The following RAB38 variants were observed in gnomAD, a reference collection of about 807,000 sequenced individuals.
RAB38 encodes ras-related protein Rab-38.
RAB38 carries 15 observed loss-of-function variants against 18.4 expected under a neutral mutation model. That is an observed-to-expected ratio of 0.82 (90% CI 0.55 to 1.26). The LOEUF is 1.26. RAB38 is among the 50% of genes most tolerant of loss of function. RAB38 has a pLI of 0.00. For missense variants in RAB38, 294 were observed against 267.4 expected (o/e 1.10, Z -0.69); for synonymous variants, 101 against 104.4 (o/e 0.97, Z 0.20).
At chr11:88,031,764 A>T in the RAB38 span, among the ~76,000 whole-genome samples, 56 of 152,088 alleles carry the variant, frequency 3.7e-4, no homozygotes, top group Non-Finnish European at 5.7e-4. Context: ...TCCATGCTCA[A>T]GGGTAGGAAG....
the RAB38 span, among the ~76,000 whole-genome samples, chr11:87,954,119 C>CATCCAATGATTTTGAGTTA: frequency 2.0e-5 from 3 of 152,022 alleles, no homozygotes; most frequent in Non-Finnish European, 4.4e-5. Flanking sequence ...TACATAAGAA[C>CATCCAATGATTTTGAGTTA]ATCCAATGAT....
At chr11:88,120,053 C>G (rs2134777387) in intron 2 of RAB38, among the ~76,000 whole-genome samples, 1 of 152,270 alleles carries the variant, frequency 6.6e-6, no homozygotes, top group East Asian at 1.9e-4. Flanking sequence ...TTCTGTCCTC[C>G]CTTGTCCCTC....
Position 88,149,879 on chromosome 11 carries a change from G to C in RAB38, c.279C>G (p.Thr93=). 1.2e-6 allele frequency: 2 copies of C among 1,613,742 alleles called. No individual in the cohort carries two copies. The highest frequency in any genetic ancestry group is 1.7e-6 in the Non-Finnish European group (2 of 1,179,934). The part of the protein sequence containing the change: ...AMGAFIVFDV[T]RPATFEAVAK... Reference sequence around the variant, plus strand: ...CCACTGCTTCAAATGTGGCTGGCCTGGTGACATCGAAGACAATAAATGCAC... The same window carrying C: ...CCACTGCTTCAAATGTGGCTGGCCTCGTGACATCGAAGACAATAAATGCAC... Residue 93 remains threonine, a synonymous_variant, in exon 2 of 3, where the codon ACC becomes ACG. Transcript: ENST00000243662.
chr11:87,947,830 C>G, the RAB38 span, among the ~76,000 whole-genome samples: 8 of 152,130 alleles, frequency 5.3e-5, no homozygotes, highest in African/African-American at 1.9e-4. Context: ...TAGCGTGATG[C>G]CTCCCAGCTT....
chr11:87,842,836 AC>A, the RAB38 span, among the ~76,000 whole-genome samples: 1 of 151,862 alleles, frequency 6.6e-6, no homozygotes, highest in Admixed American at 6.6e-5. Context: ...ACACACACAC[AC>A]ACACACACAA....
At chr11:87,860,879 G>T in the RAB38 span, among the ~76,000 whole-genome samples, 1 of 151,802 alleles carries the variant, frequency 6.6e-6, no homozygotes, top group Non-Finnish European at 1.5e-5. Context: ...TTAAAGTAAG[G>T]ATTCCACTTT....
chr11:88,054,653 G>T, the RAB38 span, among the ~76,000 whole-genome samples: 1 of 152,188 alleles, frequency 6.6e-6, no homozygotes, highest in Non-Finnish European at 1.5e-5. Flanking sequence ...ATCCAGTAAT[G>T]GAAAGATATA....
intron 2 of RAB38, among the ~76,000 whole-genome samples, chr11:88,138,470 G>A (rs968276468): frequency 6.6e-6 from 1 of 151,998 alleles, no homozygotes; most frequent in African/African-American, 2.4e-5. Flanking sequence ...TGAGTATGTA[G>A]AAATCTAATA....
the RAB38 span, among the ~76,000 whole-genome samples, chr11:88,014,609 T>C: frequency 6.6e-6 from 1 of 152,254 alleles, no homozygotes; most frequent in East Asian, 1.9e-4. Flanking sequence ...GTGGTGGTCA[T>C]TGCTAATTTC....
At chr11:88,144,468 A>T (rs1942955650) in intron 2 of RAB38, among the ~76,000 whole-genome samples, 1 of 152,360 alleles carries the variant, frequency 6.6e-6, no homozygotes, top group African/African-American at 2.4e-5. Flanking sequence ...TGTATTTAAC[A>T]GTTGTTAGAA....
At chr11:87,844,245 A>C in the RAB38 span, among the ~76,000 whole-genome samples, 1 of 152,216 alleles carries the variant, frequency 6.6e-6, no homozygotes, top group Non-Finnish European at 1.5e-5. Context: ...GTGAAAACTG[A>C]AACATACAAG....
chr11:87,944,353 T>A, the RAB38 span, among the ~76,000 whole-genome samples: 1 of 152,162 alleles, frequency 6.6e-6, no homozygotes, highest in Non-Finnish European at 1.5e-5. Flanking sequence ...GTATTTGGGT[T>A]AGGTGCAAAT....
intron 2 of RAB38, among the ~76,000 whole-genome samples, chr11:88,146,119 A>T (rs950529984): frequency 1.3e-5 from 2 of 152,182 alleles, no homozygotes; most frequent in Non-Finnish European, 2.9e-5. Context: ...GGCTACCATG[A>T]TTGCTCCAGC....
the RAB38 span, among the ~76,000 whole-genome samples, chr11:87,825,758 T>C: frequency 6.6e-6 from 1 of 151,960 alleles, no homozygotes; most frequent in Non-Finnish European, 1.5e-5. Context: ...AGAGAAAAAG[T>C]GGAGAGATTA....
chr11:88,030,319 C>A, the RAB38 span, among the ~76,000 whole-genome samples: 2 of 152,066 alleles, frequency 1.3e-5, no homozygotes, highest in Admixed American at 1.3e-4. Flanking sequence ...ATTAAAAGAA[C>A]TAGAAAAGCA....
chr11:87,853,539 G>T, the RAB38 span, among the ~76,000 whole-genome samples: 1 of 152,164 alleles, frequency 6.6e-6, no homozygotes, highest in Admixed American at 6.5e-5. Context: ...ACAGTCTATG[G>T]TACTTTGTTA....
chr11:88,108,222 T>TA, the RAB38 span, among the ~76,000 whole-genome samples: 1 of 152,170 alleles, frequency 6.6e-6, no homozygotes, highest in Middle Eastern at 3.4e-3. Flanking sequence ...TAGTGGGTGT[T>TA]AAAGTCTCCC....
chr11:87,805,298 A>T, the RAB38 span, among the ~76,000 whole-genome samples: 1 of 152,148 alleles, frequency 6.6e-6, no homozygotes, highest in South Asian at 2.1e-4. Context: ...TTATACACAC[A>T]CACAAACACC....
At chr11:87,975,848 GAA>G in the RAB38 span, among the ~76,000 whole-genome samples, 1 of 150,878 alleles carries the variant, frequency 6.6e-6, no homozygotes, top group Non-Finnish European at 1.5e-5. Context: ...ACTGACCAAA[GAA>G]AAAAAGAGAA....
Sources: allele counts gnomAD v4.1 joint callset (sites outside exome capture counted in the v4.1 genomes callset), GRCh38; gene constraint gnomAD v4.1.1; transcripts MANE v1.5; gene names NCBI Gene and HGNC (gene_info 2026-07-23, HGNC 2026-07-21).